The following HECA variants were observed in gnomAD, a reference collection of about 807,000 sequenced individuals.
HECA encodes headcase protein homolog.
A neutral mutation model predicts 37.6 loss-of-function variants in HECA; 13 were observed. The ratio of observed to expected loss-of-function variants is 0.35; its 90% CI spans 0.23 to 0.55. HECA has a LOEUF of 0.55. Ranked by LOEUF, HECA falls within the 20% of genes least tolerant of loss-of-function variation. The pLI is 0.90. For synonymous variants in HECA, 307 were observed against 291.5 expected (o/e 1.05, Z -0.54); for missense variants, 527 against 701.9 (o/e 0.75, Z 2.82).
intron 1 of HECA, among the ~76,000 whole-genome samples, chr6:139,157,163 A>T (rs764702394): frequency 6.6e-6 from 1 of 152,214 alleles, no homozygotes; most frequent in Non-Finnish European, 1.5e-5. Context: ...TGACGTTGCC[A>T]TGGCATTTGT....
At chr6:139,175,423 T>A (rs1775037503) in intron 3 of HECA, among the ~76,000 whole-genome samples, 1 of 152,232 alleles carries the variant, frequency 6.6e-6, no homozygotes. Flanking sequence ...GAGAGTATCT[T>A]TACTATTATC....
chr6:139,161,953 T>A (rs892798463), intron 1 of HECA, among the ~76,000 whole-genome samples: 5 of 152,250 alleles, frequency 3.3e-5, no homozygotes, highest in Admixed American at 3.3e-4. Context: ...TTCTTTTTGT[T>A]GTGCTTCAGT....
At chr6:139,157,368 G>T (rs1383867949) in intron 1 of HECA, among the ~76,000 whole-genome samples, 1 of 152,202 alleles carries the variant, frequency 6.6e-6, no homozygotes. Context: ...ATGCAGCCCA[G>T]TAGGTTTCAG....
chr6:139,159,379 C>A (rs575239212), intron 1 of HECA: 1 of 152,178 alleles, frequency 6.6e-6, no homozygotes, highest in African/African-American at 2.4e-5. Context: ...TGAAACCTTA[C>A]ATTTGTAATA....
In HECA at chr6:139,157,708, A is replaced by C. The variant is rs1273732638; in HGVS notation, c.272-8576A>C. ...AGTGGCAACATTTGGCCCAAGAGTA[A>C]TATAGAGGGCTGTAGAGAGTGGGAT... On this transcript the variant is annotated intron_variant, in intron 1 of 3. Coordinates refer to ENST00000367658, the MANE Select transcript of HECA (RefSeq NM_016217.3). Among the ~76,000 whole-genome samples the C allele has an allele frequency of 2.0e-5, 3 of 152,234 alleles. No homozygotes were observed. In the East Asian group the frequency reaches 5.8e-4, roughly 29 times the overall value.
intron 1 of HECA, among the ~76,000 whole-genome samples, chr6:139,142,512 G>GAATTGCTCAGCA (rs1774527675): frequency 6.6e-6 from 1 of 152,170 alleles, no homozygotes; most frequent in African/African-American, 2.4e-5. Context: ...GCATGCTGGA[G>GAATTGCTCAGCA]AATTGCTCAG....
chr6:139,168,162 A>C (rs1274628277), intron 2 of HECA, among the ~76,000 whole-genome samples: 1 of 152,186 alleles, frequency 6.6e-6, no homozygotes, highest in Non-Finnish European at 1.5e-5. Context: ...CGTGATTGTA[A>C]ATACTGCTGT....
intron 1 of HECA, among the ~76,000 whole-genome samples, chr6:139,138,485 C>G (rs541991018): frequency 6.6e-6 from 1 of 152,076 alleles, no homozygotes; most frequent in East Asian, 1.9e-4. Flanking sequence ...TTAATGACTT[C>G]GCTTAAAATT....
At chr6:139,165,226 A>G (rs1391525733) in intron 1 of HECA, among the ~76,000 whole-genome samples, 3 of 152,218 alleles carry the variant, frequency 2.0e-5, no homozygotes, top group African/African-American at 2.4e-5. Context: ...GGACTTATAC[A>G]TACATGTCCT....
In HECA at chr6:139,142,569, C is replaced by T. The variant is rs73556622; in HGVS notation, c.271+6902C>T. 5.6e-3 allele frequency among the ~76,000 whole-genome samples: 851 copies of T among 152,208 alleles called. 5 individuals carry two copies. Among genetic ancestry groups the T allele is most frequent in the Middle Eastern group, 0.014 (4 of 294 alleles). On this transcript the variant is annotated intron_variant, in intron 1 of 3. Transcript: ENST00000367658. The stretch of plus-strand genomic sequence containing the variant: ...GCAACTGGAGGGCCCCATTTGCATC[C>T]GGAATTTGGAGCAGATGCTGTCGTA...
chr6:139,177,815 A>G lies in HECA; in HGVS notation c.*710A>G, dbSNP rs1033887636. On this transcript the variant is annotated 3_prime_UTR_variant, in exon 4 of 4. Coordinates refer to ENST00000367658, the MANE Select transcript of HECA (RefSeq NM_016217.3). The surrounding 1 kb of genome is among the most constrained non-coding windows in gnomAD (Gnocchi z 4.9). ...AAATAATGCAAGAAGGCAGAACTCA[A>G]TCATTTAAATTGTGTCTTTGAAGTT... 2 of 152,268 alleles carry G rather than the reference A, an allele frequency of 1.3e-5. No homozygotes were observed. Among genetic ancestry groups the G allele is most frequent in the Admixed American group, 6.5e-5 (1 of 15,290 alleles). The allele number at this position is 152,268 out of a possible 1,614,324, so 9.4% of individuals were successfully genotyped here.
Position 139,149,911 on chromosome 6 carries a change from A to G in HECA, c.271+14244A>G, listed in dbSNP as rs543580017. Among the ~76,000 whole-genome samples, 11 of 152,244 alleles carry G rather than the reference A, an allele frequency of 7.2e-5. No individual in the cohort carries two copies. The South Asian group carries it at 2.3e-3, about 32-fold the overall frequency. ...TCAATCCTGTCCCTGAGCTCTCCTG[A>G]TTTTGTTATAACAGCAGAGTCCACT... On this transcript the variant is annotated intron_variant, in intron 1 of 3. Transcript: ENST00000367658.
intron 1 of HECA, among the ~76,000 whole-genome samples, chr6:139,157,428 G>T (rs1479374597): frequency 1.3e-5 from 2 of 152,066 alleles, no homozygotes; most frequent in African/African-American, 4.8e-5. Context: ...TGGTTCACAC[G>T]CCTCTTGACA....
Position 139,166,274 on chromosome 6 carries a change from C to A in HECA, c.272-10C>A. 6.3e-7 allele frequency: 1 copy of A among 1,579,022 alleles called. No homozygotes were observed. The highest frequency in any genetic ancestry group is 8.6e-7 in the Non-Finnish European group (1 of 1,161,042). On this transcript the variant is annotated splice_polypyrimidine_tract_variant and intron_variant, in intron 1 of 3. Transcript: ENST00000367658. ...ATCTGAAATCTGTTCTCTCTTTATT[C>A]CTCCCCCAGAAGCCCCATGTGCCAC...
intron 1 of HECA, among the ~76,000 whole-genome samples, chr6:139,162,105 G>A (rs572772202): frequency 6.6e-5 from 10 of 152,178 alleles, no homozygotes; most frequent in East Asian, 5.8e-4. Flanking sequence ...CAGTGGTGCC[G>A]GAAACACTAA....
At chr6:139,143,859 C>CAAAAAAAA (rs59382752) in intron 1 of HECA, among the ~76,000 whole-genome samples, 1 of 135,468 alleles carries the variant, frequency 7.4e-6, no homozygotes, top group Non-Finnish European at 1.6e-5. Context: ...GACTCTGTCT[C>CAAAAAAAA]AAAAAAAAAA....
At position 139,176,449 on chromosome 6, in the gene HECA, A is replaced by AGT. The variant is rs1261685713; in HGVS notation, c.1468-490_1468-489dup. 6.6e-6 allele frequency among the ~76,000 whole-genome samples: 1 copy of AGT among 152,206 alleles called. No homozygotes were observed. Among genetic ancestry groups the AGT allele is most frequent in the Non-Finnish European group, 1.5e-5 (1 of 68,036 alleles). ...TGCTGTTACGGAGAGGCTAGGCATG[A>AGT]GTGAAGATGCAGGGTGCTGGGAACT... On this transcript the variant is annotated intron_variant, in intron 3 of 3. Coordinates refer to ENST00000367658, the MANE Select transcript of HECA (RefSeq NM_016217.3). The surrounding 1 kb of genome is among the most constrained non-coding windows in gnomAD (Gnocchi z 4.5).
rs1775050492 is a variant in HECA, at chr6:139,176,237, A to G, written c.1468-704A>G. Reference sequence around the variant, plus strand: ...GGTCTTTGGCATGGTGCTTTATCACATGTGCCTCAGTTGCATTATCTAAAA... The same window carrying G: ...GGTCTTTGGCATGGTGCTTTATCACGTGTGCCTCAGTTGCATTATCTAAAA... On this transcript the variant is annotated intron_variant, in intron 3 of 3. Transcript: ENST00000367658. This position sits in a 1 kb window ranked among gnomAD's most constrained non-coding sequence, Gnocchi z 4.5. Among the ~76,000 whole-genome samples, 1 of 152,196 alleles carries G rather than the reference A, an allele frequency of 6.6e-6. No individual in the cohort carries two copies. The highest frequency in any genetic ancestry group is 2.4e-5 in the African/African-American group (1 of 41,452).
At chr6:139,165,325 A>G (rs1432862770) in intron 1 of HECA, among the ~76,000 whole-genome samples, 6 of 152,038 alleles carry the variant, frequency 3.9e-5, no homozygotes. Flanking sequence ...GTTCCCATAT[A>G]CCTCCTGCCC....
Sources: gnomAD v4.1 joint callset for allele counts (sites outside exome capture counted in the v4.1 genomes callset) on GRCh38, gnomAD v4.1.1 for gene constraint, Gnocchi (gnomAD v3.1) non-coding constraint, MANE v1.5 for transcripts, NCBI Gene and HGNC (gene_info 2026-07-23, HGNC 2026-07-21) for gene names.